The following DYNLT5 variants were observed in gnomAD, a reference collection of about 807,000 sequenced individuals.
DYNLT5 encodes dynein light chain Tctex-type 5.
In DYNLT5, 25 loss-of-function variants were observed where a neutral mutation model predicts 19.3. The ratio of observed to expected loss-of-function variants is 1.30; its 90% confidence interval spans 0.95 to 1.81. The LOEUF (loss-of-function observed/expected upper bound fraction) is 1.81, where lower values mean the gene tolerates loss of function less well. DYNLT5 is among the 40% of genes most tolerant of loss of function. DYNLT5 has a pLI of 0.00. For synonymous variants in DYNLT5, 82 were observed against 68.9 expected, an observed-to-expected ratio of 1.19 and a Z score of -0.94; for missense variants, 232 against 217.9, an observed-to-expected ratio of 1.06 and a Z score of -0.41.
At chr1:66,773,211 C>G (rs957991935) in intron 3 of DYNLT5, among the ~76,000 whole-genome samples, 1 of 152,044 alleles carries the variant, frequency 6.6e-6, no homozygotes, top group South Asian at 2.1e-4. Context: ...ACATGGACTG[C>G]GAGCACCGAG....
chr1:66,768,885 A>G (rs1411532036), intron 2 of DYNLT5: 1 of 152,218 alleles, frequency 6.6e-6, no homozygotes, highest in Non-Finnish European at 1.5e-5. Context: ...TGCCTTTTAT[A>G]CATGTACATT....
chr1:66,765,562 C>A (rs563511341), intron 2 of DYNLT5, among the ~76,000 whole-genome samples: 7 of 151,486 alleles, frequency 4.6e-5, no homozygotes, highest in African/African-American at 7.3e-5. Flanking sequence ...GGTCAGCAAG[C>A]AAATTTGCAA....
intron 4 of DYNLT5, among the ~76,000 whole-genome samples, chr1:66,776,751 T>A (rs1442571623): frequency 6.6e-6 from 1 of 152,202 alleles, no homozygotes; most frequent in Non-Finnish European, 1.5e-5. Context: ...ATACAGACAT[T>A]GTGGTCTTCA....
chr1:66,757,690 C>T (rs1390466791), intron 2 of DYNLT5, among the ~76,000 whole-genome samples: 1 of 152,068 alleles, frequency 6.6e-6, no homozygotes, highest in African/African-American at 2.4e-5. Flanking sequence ...ATTTATGTAT[C>T]ATAGAAGCTC....
chr1:66,777,419 G>T lies in DYNLT5; in HGVS notation c.505G>T (p.Ala169Ser), dbSNP rs367743410. 2.8e-5 allele frequency: 45 copies of T among 1,613,640 alleles called. No homozygotes were observed. The African/African-American group carries it at 6.0e-4, about 22-fold the overall frequency. Reference sequence around the variant, plus strand: ...TGTTTTCAGAAATTCTTCTCTCTTCGCTCTTGCAAATGTCTATGCAGTTTA... The same window carrying T: ...TGTTTTCAGAAATTCTTCTCTCTTCTCTCTTGCAAATGTCTATGCAGTTTA... ...SYVFRNSSLF[A>S]LANVYAVYLE The change falls in exon 5 of 5, where the codon GCT becomes TCT. Residue 169 changes from alanine (A) to serine (S), a missense_variant. Transcript: ENST00000282670.
In DYNLT5 at chr1:66,752,528, G is replaced by A. The variant is rs2094627140; in HGVS notation, c.-60G>A. On this transcript the variant is annotated 5_prime_UTR_variant, in exon 1 of 5. Coordinates refer to ENST00000282670, the MANE Select transcript of DYNLT5 (RefSeq NM_152665.3). ...CTGGGACGCGGGAGCCGCGCCGCGC[G>A]CAGTGTCTGCAGTGCCGGAGGTCTG... 3 of 985,580 alleles carry A rather than the reference G, an allele frequency of 3.0e-6. No homozygotes were observed. The highest frequency in any genetic ancestry group is 3.6e-6 in the Non-Finnish European group (3 of 830,028). The allele number at this position is 985,580 out of a possible 1,614,324, so 61.1% of individuals were successfully genotyped here. A position where few individuals can be genotyped will look rare whatever the true frequency, so the allele number is the denominator to read the frequency against.
At chr1:66,766,259 A>G (rs1340138362) in intron 2 of DYNLT5, among the ~76,000 whole-genome samples, 1 of 152,226 alleles carries the variant, frequency 6.6e-6, no homozygotes, top group East Asian at 1.9e-4. Context: ...CAATGAGATC[A>G]CGTGTCTAGA....
intron 3 of DYNLT5, among the ~76,000 whole-genome samples, chr1:66,771,053 A>G (rs955287068): frequency 6.6e-6 from 1 of 152,156 alleles, no homozygotes; most frequent in Non-Finnish European, 1.5e-5. Flanking sequence ...GTACCTGCCC[A>G]CTATTACCTG....
At chr1:66,752,931 C>A (rs1029191936) in intron 1 of DYNLT5, among the ~76,000 whole-genome samples, 51 of 152,310 alleles carry the variant, frequency 3.3e-4, no homozygotes, top group Admixed American at 2.2e-3. Flanking sequence ...GGGGAGGGGG[C>A]GGCCTGCAGG....
chr1:66,757,735 C>G (rs2094638837), intron 2 of DYNLT5, among the ~76,000 whole-genome samples: 1 of 151,994 alleles, frequency 6.6e-6, no homozygotes, highest in African/African-American at 2.4e-5. Context: ...ACCCAAGGGC[C>G]TATTCCAATC....
At chr1:66,754,017 G>A (rs1236695279) in intron 1 of DYNLT5, among the ~76,000 whole-genome samples, 6 of 152,016 alleles carry the variant, frequency 3.9e-5, no homozygotes, top group African/African-American at 1.5e-4. Flanking sequence ...GGAGGCTGAA[G>A]CAGGATTGCT....
chr1:66,764,284 G>A lies in DYNLT5; in HGVS notation c.120-6103G>A, dbSNP rs972391491. On this transcript the variant is annotated intron_variant, in intron 2 of 4. Coordinates refer to ENST00000282670, the MANE Select transcript of DYNLT5 (RefSeq NM_152665.3). ...AAAGGCCTAGCTTTCAGCCTATCTC[G>A]GCTTTTGACATGCCTTCCTCACCAC... Among the ~76,000 whole-genome samples, 9 of 152,166 alleles carry A rather than the reference G, an allele frequency of 5.9e-5. No homozygotes were observed. The East Asian group carries it at 9.6e-4, about 16-fold the overall frequency.
At chr1:66,753,951 T>C (rs2094631612) in intron 1 of DYNLT5, among the ~76,000 whole-genome samples, 1 of 145,896 alleles carries the variant, frequency 6.9e-6, no homozygotes, top group South Asian at 2.2e-4. Context: ...ATCCTGTCTC[T>C]AAAATAATAA....
At chr1:66,759,871 A>C (rs182561396) in intron 2 of DYNLT5, among the ~76,000 whole-genome samples, 2 of 152,178 alleles carry the variant, frequency 1.3e-5, no homozygotes, top group African/African-American at 2.4e-5. Flanking sequence ...TACATGATCT[A>C]GCTACCTGAT....
intron 3 of DYNLT5, among the ~76,000 whole-genome samples, chr1:66,771,345 G>T (rs146778299): frequency 1.5e-3 from 234 of 152,226 alleles, no homozygotes; most frequent in African/African-American, 5.2e-3. Context: ...ATACTTCTCT[G>T]GTAACCTCAC....
intron 2 of DYNLT5, 152 bp from the exon 3 acceptor site, chr1:66,770,235 A>G (rs907530227): frequency 6.7e-5 from 40 of 597,494 alleles, no homozygotes; most frequent in African/African-American, 6.3e-4. Flanking sequence ...AATGTTTTGG[A>G]CTTTCAATAT....
At chr1:66,768,325 G>T (rs1361710535) in intron 2 of DYNLT5, among the ~76,000 whole-genome samples, 1 of 152,082 alleles carries the variant, frequency 6.6e-6, no homozygotes, top group East Asian at 1.9e-4. Context: ...AACAACTGAG[G>T]TTAATAATTT....
intron 1 of DYNLT5, among the ~76,000 whole-genome samples, chr1:66,753,918 C>G (rs2094631535): frequency 6.6e-6 from 1 of 151,832 alleles, no homozygotes. Flanking sequence ...CCACTGCACT[C>G]CAGCCTGGGT....
intron 4 of DYNLT5, among the ~76,000 whole-genome samples, 157 bp downstream of exon 4, chr1:66,776,560 G>GTGTGTGTGTGTGTGT (rs1557875500): frequency 1.1e-3 from 145 of 126,690 alleles, no homozygotes; most frequent in African/African-American, 3.9e-3. Flanking sequence ...TGTGTGTGTG[G>GTGTGTGTGTGTGTGT]GTGTGTGTGT....
Sources: allele counts gnomAD v4.1 joint callset (sites outside exome capture counted in the v4.1 genomes callset), GRCh38; gene constraint gnomAD v4.1.1; transcripts MANE v1.5; gene names NCBI Gene and HGNC (gene_info 2026-07-23, HGNC 2026-07-21).